Variants in FOXP1 observed in about 807,000 individuals in gnomAD.
FOXP1 encodes the protein forkhead box P1.
In FOXP1, 15 loss-of-function variants were observed where a neutral mutation model predicts 98.2. That is an observed-to-expected ratio of 0.15 (90% CI 0.10 to 0.24). The LOEUF is 0.24. Among genes scored for constraint, FOXP1 ranks in the 10% least tolerant of loss-of-function variants. The probability of loss-of-function intolerance (pLI) is 1.00; values close to 1 mark genes in which losing one functional copy is unlikely to be tolerated. For synonymous variants in FOXP1, 371 were observed against 314.5 expected, an observed-to-expected ratio of 1.18 and a Z score of -1.90; for missense variants, 633 against 848.5, an observed-to-expected ratio of 0.75 and a Z score of 3.15.
chr3:71,244,643 C>A (rs1175581937), intron 5 of FOXP1, among the ~76,000 whole-genome samples: 2 of 151,936 alleles, frequency 1.3e-5, no homozygotes, highest in African/African-American at 4.8e-5. Context: ...GTGTTTACAC[C>A]ACACCAGTGA....
At chr3:71,440,183 C>T (rs550145728) in intron 3 of FOXP1, among the ~76,000 whole-genome samples, 1 of 152,186 alleles carries the variant, frequency 6.6e-6, no homozygotes, top group East Asian at 1.9e-4. Flanking sequence ...GGTTGCACAA[C>T]AATATGAATA....
At chr3:71,106,955 G>A (rs777516547) in intron 7 of FOXP1, among the ~76,000 whole-genome samples, 4 of 151,978 alleles carry the variant, frequency 2.6e-5, no homozygotes, top group Non-Finnish European at 5.9e-5. Flanking sequence ...TATTCACAGA[G>A]ATGGGGTTTT....
intron 2 of FOXP1, chr3:71,574,355 T>A (rs1001593999): frequency 6.6e-6 from 1 of 152,216 alleles, no homozygotes; most frequent in African/African-American, 2.4e-5. Flanking sequence ...TTAATACAGA[T>A]GAAAAAATGT....
At chr3:71,394,840 C>T (rs2081266901) in intron 3 of FOXP1, among the ~76,000 whole-genome samples, 1 of 152,118 alleles carries the variant, frequency 6.6e-6, no homozygotes, top group Non-Finnish European at 1.5e-5. Flanking sequence ...GTGGCTAACG[C>T]CTGTAATCCC....
chr3:71,155,621 T>C (rs2060783615), intron 6 of FOXP1, among the ~76,000 whole-genome samples: 1 of 152,214 alleles, frequency 6.6e-6, no homozygotes, highest in Admixed American at 6.5e-5. Context: ...AAGAAATCAT[T>C]AGTGTCATTT....
intron 6 of FOXP1, among the ~76,000 whole-genome samples, chr3:71,184,170 A>G (rs1055023525): frequency 6.6e-6 from 1 of 152,118 alleles, no homozygotes; most frequent in Non-Finnish European, 1.5e-5. Flanking sequence ...CAAACAAACA[A>G]AAAAGCCCTT....
At chr3:71,502,183 C>G (rs1415800963) in intron 2 of FOXP1, among the ~76,000 whole-genome samples, 1 of 152,234 alleles carries the variant, frequency 6.6e-6, no homozygotes, top group African/African-American at 2.4e-5. Context: ...CACAAACCTT[C>G]CGTTCCCACT....
intron 5 of FOXP1, among the ~76,000 whole-genome samples, chr3:71,255,438 A>G (rs1265323502): frequency 2.6e-5 from 4 of 152,144 alleles, no homozygotes; most frequent in Non-Finnish European, 5.9e-5. Context: ...TATGTATTCA[A>G]TATTTACATT....
At chr3:71,008,908 CTCT>C (rs2043147941) in intron 12 of FOXP1, among the ~76,000 whole-genome samples, 1 of 151,992 alleles carries the variant, frequency 6.6e-6, no homozygotes. Context: ...CCCCCCACCT[CTCT>C]TTTTTCTGAA....
At chr3:71,312,708 G>C (rs1463193412) in intron 4 of FOXP1, among the ~76,000 whole-genome samples, 3 of 152,210 alleles carry the variant, frequency 2.0e-5, no homozygotes, top group Non-Finnish European at 2.9e-5. Context: ...GAATAGGCCA[G>C]GCACGGTGGC....
intron 4 of FOXP1, among the ~76,000 whole-genome samples, chr3:71,358,029 A>G (rs2078284621): frequency 6.6e-6 from 1 of 151,962 alleles, no homozygotes; most frequent in Non-Finnish European, 1.5e-5. Flanking sequence ...TTTAAGTATG[A>G]CTTGCCTTCT....
At chr3:71,364,158 C>T (rs2078756103) in intron 3 of FOXP1, among the ~76,000 whole-genome samples, 4 of 152,336 alleles carry the variant, frequency 2.6e-5, no homozygotes, top group African/African-American at 9.6e-5. Context: ...TTGGTTACAG[C>T]TGCTAGTATC....
intron 7 of FOXP1, among the ~76,000 whole-genome samples, chr3:71,058,822 G>T (rs1479237806): frequency 6.6e-6 from 1 of 150,962 alleles, no homozygotes; most frequent in African/African-American, 2.4e-5. Flanking sequence ...AACCAACCAG[G>T]TACCATGCAA....
intron 3 of FOXP1, among the ~76,000 whole-genome samples, chr3:71,420,952 G>A (rs1375623824): frequency 2.0e-5 from 3 of 152,098 alleles, no homozygotes; most frequent in Non-Finnish European, 4.4e-5. Flanking sequence ...CCCATGTCTG[G>A]TGAGCCCTAT....
chr3:71,280,471 C>G (rs958298955), intron 5 of FOXP1, among the ~76,000 whole-genome samples: 1 of 151,906 alleles, frequency 6.6e-6, no homozygotes, highest in Non-Finnish European at 1.5e-5. Context: ...CAGGTGCCCA[C>G]CACCATGCTC....
intron 3 of FOXP1, among the ~76,000 whole-genome samples, chr3:71,460,687 C>T (rs530507302): frequency 6.6e-6 from 1 of 152,160 alleles, no homozygotes; most frequent in Admixed American, 6.5e-5. Context: ...AATCTGCCTG[C>T]CTTGGCCTCC....
intron 3 of FOXP1, among the ~76,000 whole-genome samples, chr3:71,407,273 G>C (rs948137170): frequency 6.6e-6 from 1 of 152,166 alleles, no homozygotes; most frequent in Non-Finnish European, 1.5e-5. Context: ...ATGTTTCACT[G>C]GGTTTGTGTA....
intron 2 of FOXP1, among the ~76,000 whole-genome samples, chr3:71,564,612 A>G (rs943995875): frequency 3.3e-5 from 5 of 152,210 alleles, no homozygotes; most frequent in Admixed American, 1.3e-4. Flanking sequence ...ACATGACCAC[A>G]TTGGATGAGG....
At chr3:71,401,730 G>C (rs370582646) in intron 3 of FOXP1, among the ~76,000 whole-genome samples, 1 of 152,016 alleles carries the variant, frequency 6.6e-6, no homozygotes, top group Non-Finnish European at 1.5e-5. Context: ...ACCTTCCTTC[G>C]CTAAATCTTG....
Sources: allele counts gnomAD v4.1 joint callset (sites outside exome capture counted in the v4.1 genomes callset), GRCh38; gene constraint gnomAD v4.1.1; transcripts MANE v1.5; gene names NCBI Gene and HGNC (gene_info 2026-07-23, HGNC 2026-07-21).